The following ITGBL1 variants were observed in gnomAD, a reference collection of about 807,000 sequenced individuals.
The protein encoded by ITGBL1 is integrin subunit beta like 1.
In ITGBL1, 51 loss-of-function variants were observed where a neutral mutation model predicts 68.5. The ratio of observed to expected loss-of-function variants is 0.74; its 90% CI spans 0.59 to 0.94. ITGBL1 has a LOEUF of 0.94. Among genes scored for constraint, ITGBL1 ranks in the 40% least tolerant of loss-of-function variants. The pLI is 0.00. For synonymous variants in ITGBL1, 209 were observed against 227.3 expected (o/e 0.92, Z 0.72); for missense variants, 649 against 647.4 (o/e 1.00, Z -0.03).
At chr13:101,588,622 T>C (rs1020807034) in intron 6 of ITGBL1, among the ~76,000 whole-genome samples, 1 of 151,714 alleles carries the variant, frequency 6.6e-6, no homozygotes, top group Non-Finnish European at 1.5e-5. Context: ...CCAGAAAAGA[T>C]AGTGGCACAT....
chr13:101,714,522 G>A lies in ITGBL1; in HGVS notation c.1364G>A (p.Cys455Tyr). The change falls in exon 10 of 11, where the codon TGC becomes TAC. Residue 455 changes from cysteine (C) to tyrosine (Y), a missense_variant. Coordinates refer to ENST00000376180, the MANE Select transcript of ITGBL1 (RefSeq NM_004791.3). ...TTCTGTGACTGTGATGACAGAGACT[G>A]CGACAAACATGATGGTCTCATTTGT... is the stretch of plus-strand genomic sequence containing the variant. ...GEFCDCDDRD[C>Y]DKHDGLICTG... 2 of 1,608,940 alleles carry A rather than the reference G, an allele frequency of 1.2e-6. No homozygotes were observed. Among genetic ancestry groups the A allele is most frequent in the Non-Finnish European group, 1.7e-6 (2 of 1,175,324 alleles).
At chr13:101,604,883 T>TACACAA (rs1444965646) in intron 7 of ITGBL1, among the ~76,000 whole-genome samples, 1 of 12,980 alleles carries the variant, frequency 7.7e-5, no homozygotes, top group Non-Finnish European at 1.7e-4. Context: ...TATATATATA[T>TACACAA]ATATACACAC....
At chr13:101,553,182 A>C (rs1344046934) in intron 2 of ITGBL1, among the ~76,000 whole-genome samples, 1 of 152,158 alleles carries the variant, frequency 6.6e-6, no homozygotes, top group African/African-American at 2.4e-5. Flanking sequence ...ATTATATGGG[A>C]GATTTCTATT....
chr13:101,523,288 C>T (rs921981569), intron 2 of ITGBL1, among the ~76,000 whole-genome samples: 3 of 152,150 alleles, frequency 2.0e-5, no homozygotes, highest in Non-Finnish European at 4.4e-5. Context: ...GCCTGGATGA[C>T]AAACACAGAA....
downstream of ITGBL1, chr13:101,716,537 T>G (rs2034729003): frequency 6.6e-6 from 1 of 152,178 alleles, no homozygotes; most frequent in African/African-American, 2.4e-5. Context: ...AGGGATCACA[T>G]TTTTAAAACT....
intron 2 of ITGBL1, among the ~76,000 whole-genome samples, chr13:101,468,728 G>T (rs1166629444): frequency 6.6e-6 from 1 of 152,088 alleles, no homozygotes; most frequent in Non-Finnish European, 1.5e-5. Flanking sequence ...AGCTCAAATG[G>T]TAAGAAAGTA....
intron 2 of ITGBL1, among the ~76,000 whole-genome samples, chr13:101,479,040 AT>A (rs1421198306): frequency 6.6e-6 from 1 of 152,110 alleles, no homozygotes; most frequent in Non-Finnish European, 1.5e-5. Context: ...GAGGCATCAT[AT>A]TACCTGACTT....
chr13:101,675,062 T>A (rs1210457298), intron 7 of ITGBL1, among the ~76,000 whole-genome samples: 1 of 152,198 alleles, frequency 6.6e-6, no homozygotes, highest in Non-Finnish European at 1.5e-5. Context: ...ATATTTTTGC[T>A]ATGCACAGAA....
At chr13:101,529,268 A>T (rs992729784) in intron 2 of ITGBL1, among the ~76,000 whole-genome samples, 1 of 151,156 alleles carries the variant, frequency 6.6e-6, no homozygotes, top group Non-Finnish European at 1.5e-5. Flanking sequence ...ATCTCTAAAG[A>T]AAAAAAAAGC....
At chr13:101,689,763 CAT>C (rs1438496412) in intron 7 of ITGBL1, among the ~76,000 whole-genome samples, 1 of 152,058 alleles carries the variant, frequency 6.6e-6, no homozygotes, top group Non-Finnish European at 1.5e-5. Flanking sequence ...TTGTGGGAGA[CAT>C]GAGATGTTTT....
At chr13:101,672,265 A>T (rs7333553) in intron 7 of ITGBL1, among the ~76,000 whole-genome samples, 20,797 of 152,226 alleles carry the variant, frequency 0.14, 1,720 homozygotes, top group East Asian at 0.34. Context: ...CTATCTGTAG[A>T]CTAGACTGGA....
Position 101,628,595 on chromosome 13 carries a change from G to A in ITGBL1, c.1015+30296G>A, listed in dbSNP as rs1038930570. Reference sequence around the variant, plus strand: ...CTACAGGCGTGCACCACCATACCCAGCTAATTTTTTTTTTTTTTGTATTTT... The same window carrying A: ...CTACAGGCGTGCACCACCATACCCAACTAATTTTTTTTTTTTTTGTATTTT... On this transcript the variant is annotated intron_variant, in intron 7 of 10. Coordinates refer to ENST00000376180, the MANE Select transcript of ITGBL1 (RefSeq NM_004791.3). Among the ~76,000 whole-genome samples, 533 of 85,470 alleles carry A rather than the reference G, an allele frequency of 6.2e-3. 4 individuals are homozygous for A. Among genetic ancestry groups the A allele is most frequent in the African/African-American group, 0.026 (493 of 19,228 alleles). The allele number at this position is 85,470 out of a possible 152,430, so 56.1% of individuals were successfully genotyped here.
intron 6 of ITGBL1, 58 bp downstream of exon 6, chr13:101,583,414 T>TA (rs370279713): frequency 0.025 from 26,000 of 1,043,648 alleles, 37 homozygotes; most frequent in African/African-American, 0.041. Context: ...TGTTAATGGG[T>TA]AAAAAAAAAA....
intron 6 of ITGBL1, among the ~76,000 whole-genome samples, chr13:101,596,848 A>G (rs894283971): frequency 6.6e-5 from 10 of 152,196 alleles, no homozygotes; most frequent in Admixed American, 3.9e-4. Flanking sequence ...CTCCAACTAT[A>G]TAACATTAAG....
intron 6 of ITGBL1, among the ~76,000 whole-genome samples, chr13:101,587,097 G>A (rs1006153675): frequency 6.6e-5 from 10 of 152,220 alleles, no homozygotes; most frequent in South Asian, 6.2e-4. Flanking sequence ...TAAGTCCAAG[G>A]GAAGTCTCTG....
At chr13:101,579,635 C>G (rs969533646) in intron 5 of ITGBL1, among the ~76,000 whole-genome samples, 4 of 152,168 alleles carry the variant, frequency 2.6e-5, no homozygotes, top group African/African-American at 9.7e-5. Context: ...AAGTTGCTGT[C>G]ATTCTTTAAG....
At chr13:101,516,351 A>G (rs1021438968) in intron 2 of ITGBL1, among the ~76,000 whole-genome samples, 8 of 152,160 alleles carry the variant, frequency 5.3e-5, no homozygotes, top group Non-Finnish European at 1.0e-4. Flanking sequence ...AAATGCGGTT[A>G]TAAAACTATC....
chr13:101,452,716 T>TGTCCGTGG lies in ITGBL1; in HGVS notation c.-111_-104dup. On this transcript the variant is annotated 5_prime_UTR_variant, in exon 1 of 11. Transcript: ENST00000376180. ...GGAGCCCCGGACCTGCAAGCCTGGG[T>TGTCCGTGG]GTCCGTGGGTCCGTCTGCCCAGCCA... 1 of 754,726 alleles carries TGTCCGTGG rather than the reference T, an allele frequency of 1.3e-6. No homozygotes were observed. 46.8% of individuals were successfully genotyped at this position (754,726 alleles called of 1,614,324 possible).
At chr13:101,537,724 A>G (rs1374570615) in intron 2 of ITGBL1, among the ~76,000 whole-genome samples, 1 of 152,004 alleles carries the variant, frequency 6.6e-6, no homozygotes, top group Non-Finnish European at 1.5e-5. Flanking sequence ...ACAATGTATT[A>G]AATTGCTTTG....
Sources: allele counts gnomAD v4.1 joint callset (sites outside exome capture counted in the v4.1 genomes callset), GRCh38; gene constraint gnomAD v4.1.1; transcripts MANE v1.5; gene names NCBI Gene and HGNC (gene_info 2026-07-23, HGNC 2026-07-21).